Variants in TCHP observed in about 807,000 individuals in gnomAD.
The protein encoded by TCHP is trichoplein keratin filament binding.
TCHP carries 81 observed loss-of-function variants against 88.7 expected under a neutral mutation model. The ratio of observed to expected loss-of-function variants is 0.91; its 90% CI spans 0.76 to 1.10. The LOEUF is 1.10. Ranked by LOEUF, TCHP falls within the 50% of genes least tolerant of loss-of-function variation. TCHP has a pLI of 0.00. For synonymous variants in TCHP, 232 were observed against 232.5 expected, an observed-to-expected ratio of 1.00 and a Z score of 0.02; for missense variants, 641 against 632.1, an observed-to-expected ratio of 1.01 and a Z score of -0.15.
chr12:109,909,209 G>A (rs949245710), intron 8 of TCHP, among the ~76,000 whole-genome samples: 9 of 152,184 alleles, frequency 5.9e-5, no homozygotes, highest in Admixed American at 5.2e-4. Context: ...CAACTGTGAG[G>A]TGATGGATAT....
At chr12:109,890,220 C>G in the TCHP span, among the ~76,000 whole-genome samples, 2 of 149,958 alleles carry the variant, frequency 1.3e-5, no homozygotes, top group Admixed American at 1.3e-4. Flanking sequence ...AAGACAGTGT[C>G]ATAGCACACT....
chr12:109,912,919 C>G, intron 9 of TCHP, 72 bp from the exon 10 acceptor site: 1 of 1,303,914 alleles, frequency 7.7e-7, no homozygotes, highest in Non-Finnish European at 1.1e-6. Flanking sequence ...CCCTGCAGCC[C>G]TGTCTGTTCC....
In TCHP at chr12:109,908,888, A is replaced by G. The variant is rs771972426; in HGVS notation, c.830A>G (p.Gln277Arg). 1.1e-5 allele frequency: 18 copies of G among 1,614,270 alleles called. No individual in the cohort carries two copies. The South Asian group carries it at 1.8e-4, about 16-fold the overall frequency. The stretch of plus-strand genomic sequence containing the variant: ...TCCTTCAGGCGTTTCTTGAGACATC[A>G]GTATAACGCTCAACTCAGCAGACGC... ...KAELGRFLRH[Q>R]YNAQLSRRTQ... Residue 277 changes from glutamine to arginine, a missense_variant, in exon 8 of 13, where the codon CAG becomes CGG. Coordinates refer to ENST00000405876, the MANE Select transcript of TCHP (RefSeq NM_001143852.2).
chr12:109,912,502 C>G (rs1870564000), intron 9 of TCHP, among the ~76,000 whole-genome samples: 2 of 152,122 alleles, frequency 1.3e-5, no homozygotes, highest in Non-Finnish European at 1.5e-5. Context: ...TAAAATACTT[C>G]CAACAGGGCC....
intron 10 of TCHP, 96 bp downstream of exon 10, chr12:109,913,168 G>C (rs987511275): frequency 1.8e-6 from 2 of 1,096,604 alleles, no homozygotes; most frequent in African/African-American, 1.5e-5. Flanking sequence ...TCTGGGAACA[G>C]AGTCTTCTCT....
chr12:109,912,037 G>A (rs1053011051), intron 9 of TCHP, among the ~76,000 whole-genome samples: 6 of 151,980 alleles, frequency 3.9e-5, no homozygotes, highest in East Asian at 1.9e-4. Context: ...CTTGTGATCC[G>A]CCAGCGTTGG....
chr12:109,890,153 C>T, the TCHP span, among the ~76,000 whole-genome samples: 2 of 152,178 alleles, frequency 1.3e-5, no homozygotes, highest in Admixed American at 1.3e-4. Context: ...AGGGCCTGGC[C>T]TTTGTAGTCT....
chr12:109,894,467 A>G, the TCHP span, among the ~76,000 whole-genome samples: 1 of 140,584 alleles, frequency 7.1e-6, no homozygotes, highest in Non-Finnish European at 1.5e-5. Context: ...CGTCTCAAAA[A>G]AAAAAAAGAA....
upstream of TCHP, among the ~76,000 whole-genome samples, chr12:109,897,632 C>T (rs1008127383): frequency 6.6e-6 from 1 of 150,822 alleles, no homozygotes; most frequent in African/African-American, 2.5e-5. Context: ...CAGATCTCGG[C>T]TCACTGCAAC....
intron 12 of TCHP, 22 bp from the exon 13 acceptor site, chr12:109,916,569 T>G (rs1216172311): frequency 6.2e-7 from 1 of 1,612,000 alleles, no homozygotes; most frequent in Admixed American, 1.7e-5. Context: ...TGATCACTCT[T>G]ATGTTTTCTT....
chr12:109,883,958 G>A, the TCHP span, among the ~76,000 whole-genome samples: 1 of 152,124 alleles, frequency 6.6e-6, no homozygotes, highest in African/African-American at 2.4e-5. Flanking sequence ...AGCATAAATG[G>A]GTGCTGTGGG....
intron 1 of TCHP, chr12:109,900,994 G>C (rs1354361663): frequency 2.6e-5 from 4 of 152,296 alleles, no homozygotes; most frequent in Non-Finnish European, 5.9e-5. Context: ...GGCTCCAGCT[G>C]TATCCCTACA....
the TCHP span, among the ~76,000 whole-genome samples, chr12:109,894,050 G>T: frequency 2.8e-4 from 43 of 152,060 alleles, no homozygotes; most frequent in Non-Finnish European, 4.7e-4. Flanking sequence ...CAGGCATGGT[G>T]GCAGGTGCCT....
At chr12:109,911,941 G>A (rs1302244024) in intron 9 of TCHP, among the ~76,000 whole-genome samples, 2 of 151,878 alleles carry the variant, frequency 1.3e-5, no homozygotes, top group African/African-American at 2.4e-5. Flanking sequence ...GATTACAGGC[G>A]CCCGCCACCA....
chr12:109,900,823 CAAA>C (rs997338189), intron 1 of TCHP: 2 of 152,204 alleles, frequency 1.3e-5, no homozygotes, highest in African/African-American at 4.8e-5. Flanking sequence ...TGTTTGCCCC[CAAA>C]ACTGGAGGAC....
intron 8 of TCHP, 48 bp from the exon 9 acceptor site, chr12:109,911,015 G>C: frequency 2.1e-6 from 3 of 1,461,320 alleles, no homozygotes; most frequent in Non-Finnish European, 2.7e-6. Context: ...TCTCATTGCA[G>C]AAGGACTCTG....
At chr12:109,881,495 G>A in the TCHP span, among the ~76,000 whole-genome samples, 3 of 152,230 alleles carry the variant, frequency 2.0e-5, no homozygotes, top group Admixed American at 2.0e-4. Flanking sequence ...GAAACCTCTA[G>A]AGTATTGAGA....
intron 10 of TCHP, among the ~76,000 whole-genome samples, chr12:109,913,354 A>G (rs895861163): frequency 6.6e-6 from 1 of 152,178 alleles, no homozygotes; most frequent in African/African-American, 2.4e-5. Flanking sequence ...TTTTTTCTAC[A>G]TGTATTTCTT....
Position 109,904,723 on chromosome 12 carries a change from T to A in TCHP, c.400-14T>A. 6.2e-7 allele frequency: 1 copy of A among 1,608,306 alleles called. No homozygotes were observed. The highest frequency in any genetic ancestry group is 8.5e-7 in the Non-Finnish European group (1 of 1,178,444). On this transcript the variant is annotated splice_polypyrimidine_tract_variant and intron_variant, in intron 3 of 12. Transcript: ENST00000405876. ...AAATGACATCAGGCTTTCCATTTTG[T>A]GTTTTCTTGATAGATTGCTGAACAA...
Sources: allele counts gnomAD v4.1 joint callset (sites outside exome capture counted in the v4.1 genomes callset), GRCh38; gene constraint gnomAD v4.1.1; transcripts MANE v1.5; gene names NCBI Gene and HGNC (gene_info 2026-07-23, HGNC 2026-07-21).